Variants in ZFP69 observed in about 807,000 individuals in gnomAD.
ZFP69 encodes the protein ZFP69 zinc finger protein, also known as zinc finger protein 69 homolog.
ZFP69 carries 35 observed loss-of-function variants against 48.9 expected under a neutral mutation model. The ratio of observed to expected loss-of-function variants is 0.72; its 90% CI spans 0.55 to 0.95. ZFP69 has a LOEUF of 0.95. Among genes scored for constraint, ZFP69 ranks in the 40% least tolerant of loss-of-function variants. The pLI, the probability that ZFP69 is intolerant of heterozygous loss-of-function variation, is 0.00. For missense variants in ZFP69, 557 were observed against 638.4 expected, an observed-to-expected ratio of 0.87 and a Z score of 1.37; for synonymous variants, 193 against 216.8, an observed-to-expected ratio of 0.89 and a Z score of 0.96.
chr1:40,495,834 A>G lies in ZFP69; in HGVS notation c.1356A>G (p.Ile452Met). 3.1e-6 allele frequency: 5 copies of G among 1,614,212 alleles called. No homozygotes were observed. Among genetic ancestry groups the G allele is most frequent in the Non-Finnish European group, 3.4e-6 (4 of 1,180,034 alleles). Residue 452 changes from isoleucine (I) to methionine (M), a missense_variant, in exon 6 of 6, where the codon ATA (isoleucine) becomes ATG (methionine). Ile to Met is a conservative substitution (Grantham distance 10). Coordinates refer to ENST00000372706, the MANE Select transcript of ZFP69 (RefSeq NM_001320179.2). Reference sequence around the variant, plus strand: ...GTGGAAAAGCCTTTAGGCAGAGGATACACCTTAGCAACCATAAAACTGTTC... The same window carrying G: ...GTGGAAAAGCCTTTAGGCAGAGGATGCACCTTAGCAACCATAAAACTGTTC... ...KECGKAFRQR[I>M]HLSNHKTVHT... is the part of the protein sequence containing the mutation.
intron 5 of ZFP69, among the ~76,000 whole-genome samples, chr1:40,494,255 A>ATTTTTTTTTTTTTTT (rs1645598717): frequency 4.8e-5 from 6 of 123,878 alleles, no homozygotes; most frequent in African/African-American, 9.5e-5. Flanking sequence ...AAAGATTCAA[A>ATTTTTTTTTTTTTTT]ATTTTTTTTT....
At chr1:40,483,443 G>T (rs1645463171) in intron 3 of ZFP69, among the ~76,000 whole-genome samples, 1 of 151,832 alleles carries the variant, frequency 6.6e-6, no homozygotes, top group Non-Finnish European at 1.5e-5. Context: ...TTGTCCAACT[G>T]GTCTCAAACT....
Position 40,495,804 on chromosome 1 carries a change from A to G in ZFP69, c.1326A>G (p.Lys442=). 6.2e-7 allele frequency: 1 copy of G among 1,614,220 alleles called. No individual in the cohort carries two copies. The highest frequency in any genetic ancestry group is 1.1e-5 in the South Asian group (1 of 91,088). ...CTGGGGAGAGACCCTACAAATGTAA[A>G]GAATGTGGAAAAGCCTTTAGGCAGA... ...IHTGERPYKC[K]ECGKAFRQRI... Residue 442 remains lysine, a synonymous_variant, in exon 6 of 6, where the codon AAA becomes AAG. Coordinates refer to ENST00000372706, the MANE Select transcript of ZFP69 (RefSeq NM_001320179.2).
intron 2 of ZFP69, among the ~76,000 whole-genome samples, chr1:40,481,410 G>C (rs1645441721): frequency 6.6e-6 from 1 of 152,096 alleles, no homozygotes; most frequent in African/African-American, 2.4e-5. Flanking sequence ...TTGTCAGTGG[G>C]GAACCTTTGA....
At chr1:40,481,726 G>A (rs1257885525) in intron 2 of ZFP69, 37 bp from the exon 3 acceptor site, 1 of 1,521,724 alleles carries the variant, frequency 6.6e-7, no homozygotes, top group African/African-American at 1.4e-5. Context: ...GGGAGATTTG[G>A]GGAGATGCAA....
rs1301842266 is a variant in ZFP69 at position 40,477,415 on chromosome 1, G to A, written c.-806G>A. 1.3e-5 allele frequency: 2 copies of A among 151,758 alleles called. No homozygotes were observed. The highest frequency in any genetic ancestry group is 2.9e-5 in the Non-Finnish European group (2 of 67,912). 9.4% of individuals were successfully genotyped at this position (151,758 alleles called of 1,614,324 possible). On this transcript the variant is annotated 5_prime_UTR_variant, in exon 1 of 6. Coordinates refer to ENST00000372706, the MANE Select transcript of ZFP69 (RefSeq NM_001320179.2). The surrounding 1 kb of genome is among the most constrained non-coding windows in gnomAD (Gnocchi z 4.0). Reference sequence around the variant, plus strand: ...AGCGGCCGGGAGGGCGCGGCCGGAGGCAGAGGCCAGGCGAGACACCCGGCT... The same window carrying A: ...AGCGGCCGGGAGGGCGCGGCCGGAGACAGAGGCCAGGCGAGACACCCGGCT...
intron 5 of ZFP69, 101 bp downstream of exon 5, chr1:40,489,725 C>T (rs1156946140): frequency 1.2e-6 from 1 of 811,502 alleles, no homozygotes; most frequent in South Asian, 2.0e-5. Flanking sequence ...AATGATTCTG[C>T]AGGCTGTACA....
chr1:40,478,342 C>T (rs1645410546), intron 1 of ZFP69, among the ~76,000 whole-genome samples: 1 of 152,248 alleles, frequency 6.6e-6, no homozygotes, highest in African/African-American at 2.4e-5. Flanking sequence ...TATTACTATT[C>T]TGCAGTAGTC....
chr1:40,492,285 T>A (rs1645577275), intron 5 of ZFP69, among the ~76,000 whole-genome samples: 2 of 152,234 alleles, frequency 1.3e-5, no homozygotes, highest in East Asian at 3.8e-4. Flanking sequence ...GGAATTTATT[T>A]TATATAAATA....
chr1:40,485,022 A>T (rs1645481904), intron 3 of ZFP69, among the ~76,000 whole-genome samples: 1 of 148,988 alleles, frequency 6.7e-6, no homozygotes. Flanking sequence ...CCTCTCGAGT[A>T]GCTGGGATTA....
intron 3 of ZFP69, among the ~76,000 whole-genome samples, chr1:40,486,044 C>G (rs1409546814): frequency 6.6e-6 from 1 of 152,108 alleles, no homozygotes; most frequent in African/African-American, 2.4e-5. Flanking sequence ...GCTAGGATAA[C>G]AGATGTAAAC....
intron 5 of ZFP69, among the ~76,000 whole-genome samples, chr1:40,489,866 CTTTTTTTTT>C (rs374820239): frequency 2.6e-5 from 3 of 115,428 alleles, no homozygotes; most frequent in Non-Finnish European, 5.2e-5. Context: ...TTTTCTTTTT[CTTTTTTTTT>C]TTTTTTTTTT....
At position 40,479,157 on chromosome 1, in the gene ZFP69, G is replaced by A; in HGVS notation, c.-205G>A. ...TGGCTGCCTCCCAAAGAAAGTGCTT[G>A]ATTTAAAGGGGAGTTTGTTTTCCAG... On this transcript the variant is annotated 5_prime_UTR_variant, in exon 2 of 6. The change abolishes the stop of an existing upstream ORF in the 5' untranslated region. Coordinates refer to ENST00000372706, the MANE Select transcript of ZFP69 (RefSeq NM_001320179.2). The A allele has an allele frequency of 1.8e-6, 1 of 564,266 alleles. No individual in the cohort carries two copies. The allele number at this position is 564,266 out of a possible 1,614,324, so 35.0% of individuals were successfully genotyped here. A position where few individuals can be genotyped will look rare whatever the true frequency, so the allele number is the denominator to read the frequency against.
At chr1:40,485,386 C>T (rs552343163) in intron 3 of ZFP69, among the ~76,000 whole-genome samples, 1 of 152,098 alleles carries the variant, frequency 6.6e-6, no homozygotes, top group East Asian at 1.9e-4. Context: ...GAAAGACTTA[C>T]GTTATATTTT....
Position 40,479,400 on chromosome 1 carries a change from C to T in ZFP69, c.39C>T (p.Ala13=). Residue 13 remains alanine (A), a synonymous_variant, in exon 2 of 6, where the codon GCC becomes GCT. Coordinates refer to ENST00000372706, the MANE Select transcript of ZFP69 (RefSeq NM_001320179.2). The part of the protein sequence containing the change: ...QQLLITLPTE[A]STWVKLQHPK... Reference sequence around the variant, plus strand: ...TCCTGATCACCCTGCCTACCGAGGCCAGCACCTGGGTGAAGCTGCAACATC... The same window carrying T: ...TCCTGATCACCCTGCCTACCGAGGCTAGCACCTGGGTGAAGCTGCAACATC... 6.2e-7 allele frequency: 1 copy of T among 1,614,140 alleles called. No homozygotes were observed. The highest frequency in any genetic ancestry group is 8.5e-7 in the Non-Finnish European group (1 of 1,179,984).
chr1:40,489,866 C>CTTTTTTT (rs374820239), intron 5 of ZFP69, among the ~76,000 whole-genome samples: 90 of 115,404 alleles, frequency 7.8e-4, no homozygotes, highest in Non-Finnish European at 1.2e-3. Flanking sequence ...TTTTCTTTTT[C>CTTTTTTT]TTTTTTTTTT....
At chr1:40,486,876 A>C (rs1412916372) in intron 3 of ZFP69, among the ~76,000 whole-genome samples, 3 of 151,632 alleles carry the variant, frequency 2.0e-5, no homozygotes, top group Non-Finnish European at 2.9e-5. Context: ...CCATCCAATG[A>C]ATTTTTAGAT....
At chr1:40,493,307 GT>G (rs1166045928) in intron 5 of ZFP69, 10 of 151,266 alleles carry the variant, frequency 6.6e-5, no homozygotes, top group African/African-American at 2.4e-4. Context: ...CAGCCACCTT[GT>G]TTTACTCTTA....
At chr1:40,488,854 C>A (rs1645533124) in intron 3 of ZFP69, among the ~76,000 whole-genome samples, 1 of 151,808 alleles carries the variant, frequency 6.6e-6, no homozygotes, top group African/African-American at 2.4e-5. Context: ...CACCATCTGT[C>A]TTTCTATATA....
Sources: allele counts gnomAD v4.1 joint callset (sites outside exome capture counted in the v4.1 genomes callset), GRCh38; gene constraint gnomAD v4.1.1; non-coding constraint Gnocchi (gnomAD v3.1); transcripts MANE v1.5; gene names NCBI Gene and HGNC (gene_info 2026-07-23, HGNC 2026-07-21).